TNS3: variants seen among roughly 807,000 people sequenced by gnomAD.
TNS3 encodes the protein tensin-3.
Under a neutral mutation model 140.9 loss-of-function variants are expected in TNS3, and 45 were observed. That is an observed-to-expected ratio of 0.32 (90% CI 0.25 to 0.41). The LOEUF is 0.41. Among genes scored for constraint, TNS3 ranks in the 10% least tolerant of loss-of-function variants. The pLI, the probability that TNS3 is intolerant of heterozygous loss-of-function variation, is 1.00. For missense variants in TNS3, 1,716 were observed against 1,906.7 expected, an observed-to-expected ratio of 0.90 and a Z score of 1.86; for synonymous variants, 815 against 788.4, an observed-to-expected ratio of 1.03 and a Z score of -0.56.
At position 47,368,535 on chromosome 7, in the gene TNS3, C is replaced by T; in HGVS notation, c.2111G>A (p.Arg704Lys). The change falls in exon 17 of 31, where the codon AGG (arginine) becomes AAG (lysine). Residue 704 changes from arginine (R) to lysine (K), a missense_variant. Arg to Lys is a conservative substitution (Grantham distance 26). Coordinates refer to ENST00000311160, the MANE Select transcript of TNS3 (RefSeq NM_022748.12). ...GGTGGGATCCAGCTCCAGGATCAGC[C>T]TGTTGAGCTGCTCGATGGACTGGTC... The part of the protein sequence containing the change: ...DIDQSIEQLN[R>K]LILELDPTFE... 1.3e-6 allele frequency: 2 copies of T among 1,585,228 alleles called. No homozygotes were observed. The highest frequency in any genetic ancestry group is 2.3e-5 in the South Asian group (2 of 87,578).
At chr7:47,553,651 T>C (rs150128471) in intron 1 of TNS3, among the ~76,000 whole-genome samples, 293 of 152,350 alleles carry the variant, frequency 1.9e-3, no homozygotes, top group African/African-American at 6.8e-3. Context: ...TTCAAAATAT[T>C]ACTACCTGTT....
chr7:47,477,228 AT>A (rs1300213592), intron 4 of TNS3, among the ~76,000 whole-genome samples: 1 of 152,154 alleles, frequency 6.6e-6, no homozygotes, highest in African/African-American at 2.4e-5. Context: ...TTTCAAAACA[AT>A]CATGCCCTCA....
intron 1 of TNS3, among the ~76,000 whole-genome samples, chr7:47,530,838 A>AAAAAAAAATATATATATATAT: frequency 1.8e-5 from 1 of 54,562 alleles, no homozygotes; most frequent in African/African-American, 7.9e-5. Context: ...AAAAAAAAAA[A>AAAAAAAAATATATATATATAT]ATATATATAT....
At chr7:47,455,472 C>G (rs944429163) in intron 4 of TNS3, among the ~76,000 whole-genome samples, 3 of 152,066 alleles carry the variant, frequency 2.0e-5, no homozygotes, top group African/African-American at 7.2e-5. Context: ...ATGGATAACC[C>G]TGGAAACAAC....
intron 4 of TNS3, among the ~76,000 whole-genome samples, chr7:47,465,482 G>C (rs1796669708): frequency 6.6e-6 from 1 of 152,156 alleles, no homozygotes; most frequent in South Asian, 2.1e-4. Context: ...ACGCGGATCA[G>C]AAGCCCCAGG....
intron 13 of TNS3, among the ~76,000 whole-genome samples, chr7:47,410,259 C>T (rs1429428730): frequency 2.0e-5 from 3 of 152,206 alleles, no homozygotes; most frequent in Admixed American, 6.5e-5. Flanking sequence ...TGAGGACAGA[C>T]TTCCAGCCCA....
chr7:47,318,826 T>C (rs1365023374), intron 20 of TNS3, among the ~76,000 whole-genome samples: 1 of 152,216 alleles, frequency 6.6e-6, no homozygotes, highest in East Asian at 1.9e-4. Context: ...GGCGAGGGTC[T>C]ATGCCAATGA....
intron 10 of TNS3, among the ~76,000 whole-genome samples, chr7:47,422,786 T>C: frequency 6.6e-6 from 1 of 152,198 alleles, no homozygotes; most frequent in Admixed American, 6.5e-5. Flanking sequence ...TACTCCCTAT[T>C]TACACCTCAT....
intron 16 of TNS3, among the ~76,000 whole-genome samples, chr7:47,377,510 G>C (rs762119919): frequency 1.5e-4 from 23 of 152,194 alleles, no homozygotes; most frequent in Non-Finnish European, 2.6e-4. Context: ...CTTGATAGTG[G>C]TGGGAGTGTC....
intron 4 of TNS3, among the ~76,000 whole-genome samples, chr7:47,454,048 T>C (rs1796142081): frequency 6.6e-6 from 1 of 152,248 alleles, no homozygotes; most frequent in Non-Finnish European, 1.5e-5. Context: ...AAAACATTTC[T>C]TCACATAGAA....
chr7:47,577,555 T>C (rs1800703066), intron 1 of TNS3, among the ~76,000 whole-genome samples: 1 of 152,162 alleles, frequency 6.6e-6, no homozygotes, highest in African/African-American at 2.4e-5. Context: ...ACTCCAAGCA[T>C]TGCTGACGGA....
intron 1 of TNS3, among the ~76,000 whole-genome samples, chr7:47,574,235 G>A (rs543902170): frequency 1.3e-4 from 19 of 151,960 alleles, no homozygotes; most frequent in Non-Finnish European, 2.1e-4. Context: ...AAGCAACCCC[G>A]AAGGCTCTTT....
chr7:47,531,125 G>T (rs1403664124), intron 1 of TNS3, among the ~76,000 whole-genome samples: 2 of 151,778 alleles, frequency 1.3e-5, no homozygotes, highest in African/African-American at 2.4e-5. Context: ...GGTGGAAGGA[G>T]GGTGAAGATT....
chr7:47,481,124 A>G lies in TNS3; in HGVS notation c.-97T>C, dbSNP rs544191672. On this transcript the variant is annotated 5_prime_UTR_variant, in exon 4 of 31. Coordinates refer to ENST00000311160, the MANE Select transcript of TNS3 (RefSeq NM_022748.12). Reference sequence around the variant, plus strand: ...TTACCTGTTCCAGTCGGACTTGCACACCGCAGGGAATCACCACCTTTCAAA... The same window carrying G: ...TTACCTGTTCCAGTCGGACTTGCACGCCGCAGGGAATCACCACCTTTCAAA... 35 of 1,289,862 alleles carry G rather than the reference A, an allele frequency of 2.7e-5. No individual in the cohort carries two copies. The African/African-American group carries it at 4.8e-4, about 18-fold the overall frequency. The allele number at this position is 1,289,862 out of a possible 1,614,324, so 79.9% of individuals were successfully genotyped here. A position where few individuals can be genotyped will look rare whatever the true frequency, so the allele number is the denominator to read the frequency against.
intron 4 of TNS3, among the ~76,000 whole-genome samples, chr7:47,455,590 T>C (rs1009535340): frequency 6.6e-6 from 1 of 151,928 alleles, no homozygotes; most frequent in African/African-American, 2.4e-5. Flanking sequence ...AGAATGCAGG[T>C]GTGACAGAGG....
At chr7:47,520,718 T>C (rs1170100322) in intron 2 of TNS3, among the ~76,000 whole-genome samples, 1 of 152,200 alleles carries the variant, frequency 6.6e-6, no homozygotes, top group Admixed American at 6.5e-5. Context: ...ATTATTCAGA[T>C]GAAATTTGGC....
intron 16 of TNS3, among the ~76,000 whole-genome samples, chr7:47,387,538 C>T (rs947369992): frequency 6.6e-6 from 1 of 152,196 alleles, no homozygotes; most frequent in Admixed American, 6.5e-5. Context: ...GGTCCCTGTC[C>T]CCATAAGGAC....
At chr7:47,361,504 G>C (rs1348170966) in intron 17 of TNS3, among the ~76,000 whole-genome samples, 1 of 149,458 alleles carries the variant, frequency 6.7e-6, no homozygotes, top group Non-Finnish European at 1.5e-5. Flanking sequence ...AAATGAGGTG[G>C]GACTGTCTGC....
At chr7:47,428,734 G>T (rs1481404052) in intron 8 of TNS3, among the ~76,000 whole-genome samples, 1 of 152,248 alleles carries the variant, frequency 6.6e-6, no homozygotes, top group Non-Finnish European at 1.5e-5. Flanking sequence ...AGGTCAGACA[G>T]AAGTGAACGC....
Sources: gnomAD v4.1 joint callset for allele counts (sites outside exome capture counted in the v4.1 genomes callset) on GRCh38, gnomAD v4.1.1 for gene constraint, MANE v1.5 for transcripts, NCBI Gene and HGNC (gene_info 2026-07-23, HGNC 2026-07-21) for gene names.